HMGB1: variants seen among roughly 807,000 people sequenced by gnomAD.
HMGB1 encodes the protein high mobility group box 1, also known as high mobility group protein B1.
For missense variants in HMGB1, 79 were observed against 253.5 expected (o/e 0.31, Z 4.67); for synonymous variants, 81 against 84.0 (o/e 0.96, Z 0.19).
At chr13:30,586,668 T>C (rs533412393) in intron 1 of HMGB1, among the ~76,000 whole-genome samples, 1 of 152,038 alleles carries the variant, frequency 6.6e-6, no homozygotes, top group Non-Finnish European at 1.5e-5. Flanking sequence ...TCTATTTTAG[T>C]AGAGATGGGG....
intron 1 of HMGB1, among the ~76,000 whole-genome samples, chr13:30,482,405 C>T (rs530243498): frequency 2.1e-4 from 32 of 152,302 alleles, no homozygotes; most frequent in African/African-American, 7.5e-4. Context: ...CCGCAAGCGT[C>T]TATGGTGGGG....
intron 1 of HMGB1, among the ~76,000 whole-genome samples, chr13:30,507,160 T>C (rs1253864675): frequency 1.3e-5 from 2 of 152,192 alleles, no homozygotes; most frequent in Admixed American, 6.5e-5. Context: ...TCTTCCACTA[T>C]AGCTCAAATG....
At chr13:30,545,788 T>G (rs1380058898) in intron 1 of HMGB1, among the ~76,000 whole-genome samples, 1 of 152,096 alleles carries the variant, frequency 6.6e-6, no homozygotes, top group African/African-American at 2.4e-5. Context: ...CTCAACCTCC[T>G]GGGCTCAAGA....
intron 1 of HMGB1, among the ~76,000 whole-genome samples, chr13:30,608,499 A>G (rs1950482048): frequency 6.6e-6 from 1 of 152,168 alleles, no homozygotes; most frequent in East Asian, 1.9e-4. Flanking sequence ...CGTAATATTC[A>G]TGGCTGACCT....
intron 1 of HMGB1, among the ~76,000 whole-genome samples, chr13:30,503,647 CTTTTTTTTTTTTTTTT>C (rs10590461): frequency 9.4e-6 from 1 of 106,438 alleles, no homozygotes; most frequent in Non-Finnish European, 1.9e-5. Context: ...TACTCAGCTT[CTTTTTTTTTTTTTTTT>C]TTTTTTTGAG....
chr13:30,482,810 CAG>C (rs367691217), intron 1 of HMGB1, among the ~76,000 whole-genome samples: 159 of 152,034 alleles, frequency 1.0e-3, no homozygotes, highest in African/African-American at 3.6e-3. Context: ...TAAATAGAGA[CAG>C]AGTCTTATTC....
chr13:30,571,564 G>A lies in HMGB1; in HGVS notation c.-15+45107C>T, dbSNP rs113538752. ...CCGCCTTAGCCTCCCAAAGTGCTGGGATTACAGGCGTGAGCCACCGTACCC... is the reference window on the plus strand; with the variant it reads ...CCGCCTTAGCCTCCCAAAGTGCTGGAATTACAGGCGTGAGCCACCGTACCC... On this transcript the variant is annotated intron_variant, in intron 1 of 4. Transcript: ENST00000405805. Among the ~76,000 whole-genome samples, 674 of 152,252 alleles carry A rather than the reference G, an allele frequency of 4.4e-3. 8 individuals carry two copies. Among genetic ancestry groups the A allele is most frequent in the African/African-American group, 0.016 (652 of 41,546 alleles).
intron 1 of HMGB1, among the ~76,000 whole-genome samples, chr13:30,551,874 T>G (rs534921532): frequency 1.4e-4 from 22 of 152,162 alleles, no homozygotes; most frequent in African/African-American, 5.1e-4. Context: ...CCTGGCTATT[T>G]AATATTGTAT....
In HMGB1 at chr13:30,588,149, A is replaced by G. The variant is rs1871231752; in HGVS notation, c.-15+28522T>C. Among the ~76,000 whole-genome samples, 2 of 152,238 alleles carry G rather than the reference A, an allele frequency of 1.3e-5. 1 individual carries two copies. The highest frequency in any genetic ancestry group is 4.1e-4 in the South Asian group (2 of 4,834). On this transcript the variant is annotated intron_variant, in intron 1 of 4. Transcript: ENST00000405805. The stretch of plus-strand genomic sequence containing the variant: ...CCAAAGAGGAAATAAAGAGCATAAT[A>G]TCTATTCTTAGAAAATAACATTAAC...
chr13:30,567,890 T>C (rs1340949534), intron 1 of HMGB1, among the ~76,000 whole-genome samples: 2 of 152,220 alleles, frequency 1.3e-5, no homozygotes, highest in African/African-American at 2.4e-5. Context: ...CTAAACAGCA[T>C]TGACACACTT....
intron 1 of HMGB1, among the ~76,000 whole-genome samples, chr13:30,562,182 A>G (rs1205274831): frequency 6.6e-6 from 1 of 151,982 alleles, no homozygotes; most frequent in East Asian, 1.9e-4. Context: ...CTGTAATCCC[A>G]GCTACTAGGG....
In HMGB1 at chr13:30,459,567, C is replaced by T. The variant is rs577583997; in HGVS notation, c.*1790G>A. ...GCAGCCTATCACTAACCCTGCTGTTCGCTTGCATGTATCTTGTTTTTAAAA... is the reference window on the plus strand; with the variant it reads ...GCAGCCTATCACTAACCCTGCTGTTTGCTTGCATGTATCTTGTTTTTAAAA... On this transcript the variant is annotated 3_prime_UTR_variant, in exon 5 of 5. Coordinates refer to ENST00000341423, the MANE Select transcript of HMGB1 (RefSeq NM_002128.7). 3 of 152,216 alleles carry T rather than the reference C, an allele frequency of 2.0e-5. No individual in the cohort carries two copies. Among genetic ancestry groups the T allele is most frequent in the East Asian group, 1.9e-4 (1 of 5,176 alleles). 9.4% of individuals were successfully genotyped at this position (152,216 alleles called of 1,614,324 possible). A position where few individuals can be genotyped will look rare whatever the true frequency, so the allele number is the denominator to read the frequency against.
Position 30,601,581 on chromosome 13 carries a change from T to C in HMGB1, c.-15+15090A>G, listed in dbSNP as rs1950401707. ...TAAAACGGTGAAACCCCGTCTCTAC[T>C]AAAAATACAAAAAAATTAGCCGGGC... is the stretch of plus-strand genomic sequence containing the variant. On this transcript the variant is annotated intron_variant, in intron 1 of 4. Transcript: ENST00000405805. 2.5e-5 allele frequency among the ~76,000 whole-genome samples: 2 copies of C among 79,308 alleles called. 1 individual carries two copies. The highest frequency in any genetic ancestry group is 2.3e-4 in the Admixed American group (2 of 8,840). 52.0% of individuals were successfully genotyped at this position (79,308 alleles called of 152,430 possible).
At chr13:30,552,020 A>C (rs980089821) in intron 1 of HMGB1, among the ~76,000 whole-genome samples, 13 of 152,084 alleles carry the variant, frequency 8.5e-5, no homozygotes, top group Admixed American at 2.0e-4. Context: ...AAAATGCCCC[A>C]AGCGTCCTCA....
intron 1 of HMGB1, chr13:30,464,556 T>G (rs932761632): frequency 1.0e-6 from 1 of 984,446 alleles, no homozygotes; most frequent in Middle Eastern, 5.2e-4. Context: ...GGCCGCCACG[T>G]GCGCCCGGCA....
chr13:30,491,090 G>A (rs1034654565), intron 1 of HMGB1, among the ~76,000 whole-genome samples: 3 of 151,748 alleles, frequency 2.0e-5, no homozygotes, highest in Non-Finnish European at 4.4e-5. Context: ...ATGCAAAGGC[G>A]CAGTCTTGGC....
At chr13:30,592,299 T>C (rs1276034066) in intron 1 of HMGB1, among the ~76,000 whole-genome samples, 1 of 152,184 alleles carries the variant, frequency 6.6e-6, no homozygotes, top group African/African-American at 2.4e-5. Flanking sequence ...GCATATTTAG[T>C]TACTGTATTA....
At chr13:30,462,182 T>G (rs1257816082) in intron 4 of HMGB1, among the ~76,000 whole-genome samples, 2 of 152,168 alleles carry the variant, frequency 1.3e-5, no homozygotes, top group Non-Finnish European at 2.9e-5. Context: ...AGGATATGAC[T>G]AAGAAAAATA....
At chr13:30,547,614 A>G (rs981985203) in intron 1 of HMGB1, among the ~76,000 whole-genome samples, 1 of 151,878 alleles carries the variant, frequency 6.6e-6, no homozygotes, top group Admixed American at 6.6e-5. Context: ...CCTTACAAAC[A>G]GGACTTTAGA....
Sources: gnomAD v4.1 joint callset for allele counts (sites outside exome capture counted in the v4.1 genomes callset) on GRCh38, gnomAD v4.1.1 for gene constraint, MANE v1.5 for transcripts, NCBI Gene and HGNC (gene_info 2026-07-23, HGNC 2026-07-21) for gene names.